Variants in OSBPL2 observed in about 807,000 individuals in gnomAD.
OSBPL2 encodes the protein oxysterol binding protein like 2.
A neutral mutation model predicts 58.4 loss-of-function variants in OSBPL2; 18 were observed. That is an observed-to-expected ratio of 0.31 (90% CI 0.21 to 0.46). The LOEUF (loss-of-function observed/expected upper bound fraction) is 0.46, where lower values mean the gene tolerates loss of function less well. OSBPL2 is among the 20% of genes least tolerant of loss of function. OSBPL2 has a pLI of 1.00. For synonymous variants in OSBPL2, 221 were observed against 234.1 expected (o/e 0.94, Z 0.51); for missense variants, 461 against 616.5 (o/e 0.75, Z 2.67).
chr20:62,262,518 T>C (rs1204549136), intron 3 of OSBPL2, among the ~76,000 whole-genome samples: 1 of 152,248 alleles, frequency 6.6e-6, no homozygotes, highest in Non-Finnish European at 1.5e-5. Context: ...ACTGAATGTG[T>C]GCACGGACGA....
intron 4 of OSBPL2, among the ~76,000 whole-genome samples, chr20:62,266,593 A>G (rs1193556115): frequency 6.6e-6 from 1 of 151,048 alleles, no homozygotes; most frequent in Non-Finnish European, 1.5e-5. Flanking sequence ...CTCGTTCTGG[A>G]TCCGCAGTGA....
rs1222519851 is a variant in OSBPL2, at chr20:62,272,248, G to A, written c.382G>A (p.Glu128Lys). The A allele has an allele frequency of 6.2e-7, 1 of 1,613,454 alleles. No homozygotes were observed. Among genetic ancestry groups the A allele is most frequent in the Non-Finnish European group, 8.5e-7 (1 of 1,179,920 alleles). The change falls in exon 5 of 14, where the codon GAG becomes AAG. Residue 128 changes from glutamate (E) to lysine (K), a missense_variant. By Grantham distance (56) the Glu-to-Lys change is moderately conservative. This residue lies in a region of OSBPL2 where 20 missense variants were observed against 17.1 expected (regional missense o/e 1.17). Coordinates refer to ENST00000313733, the MANE Select transcript of OSBPL2 (RefSeq NM_144498.4). ...HRASCQPQPL[E>K]RMQSVAAFAV... ...GGCCTCCTGCCAGCCCCAGCCCCTG[G>A]AGAGGATGCAGGTGGGCCTTAGGGG...
intron 4 of OSBPL2, chr20:62,264,608 T>C (rs1301043512): frequency 6.6e-6 from 1 of 152,216 alleles, no homozygotes; most frequent in Non-Finnish European, 1.5e-5. Flanking sequence ...TTCTTAACTT[T>C]TTATTTTGAA....
At chr20:62,245,810 C>A (rs1399360267) in intron 1 of OSBPL2, among the ~76,000 whole-genome samples, 1 of 152,202 alleles carries the variant, frequency 6.6e-6, no homozygotes, top group East Asian at 1.9e-4. Flanking sequence ...TTGTGAATGG[C>A]ATATGACTTG....
At chr20:62,280,991 C>T (rs940928591) in intron 7 of OSBPL2, 67 bp from the exon 8 acceptor site, 14 of 1,273,906 alleles carry the variant, frequency 1.1e-5, no homozygotes, top group Admixed American at 5.1e-5. Context: ...CTGGTCGTTG[C>T]GTCTTGGGTC....
At chr20:62,266,662 A>G (rs746369096) in intron 4 of OSBPL2, among the ~76,000 whole-genome samples, 21 of 152,074 alleles carry the variant, frequency 1.4e-4, no homozygotes, top group Non-Finnish European at 2.6e-4. Context: ...TGTTTGGTCC[A>G]CACCCCCCAC....
intron 1 of OSBPL2, among the ~76,000 whole-genome samples, chr20:62,248,669 C>T (rs1055995487): frequency 8.6e-6 from 1 of 116,324 alleles, no homozygotes; most frequent in Non-Finnish European, 2.0e-5. Flanking sequence ...ACTGTCAGAT[C>T]TGCTTTATTT....
intron 1 of OSBPL2, among the ~76,000 whole-genome samples, chr20:62,250,019 C>G (rs912558777): frequency 1.5e-4 from 23 of 152,224 alleles, no homozygotes; most frequent in Non-Finnish European, 2.9e-4. Context: ...CTCCCTGCCC[C>G]CAAGGCTCAC....
intron 1 of OSBPL2, among the ~76,000 whole-genome samples, chr20:62,239,342 C>G (rs891002949): frequency 6.6e-6 from 1 of 152,244 alleles, no homozygotes; most frequent in South Asian, 2.1e-4. Flanking sequence ...AAGAATACGT[C>G]TTTAGACTTT....
At chr20:62,258,088 G>A (rs539200402) in intron 2 of OSBPL2, among the ~76,000 whole-genome samples, 1 of 152,278 alleles carries the variant, frequency 6.6e-6, no homozygotes, top group South Asian at 2.1e-4. Flanking sequence ...GTACTCAGAT[G>A]GACTCCACTG....
At chr20:62,239,975 C>T (rs1979612597) in intron 1 of OSBPL2, among the ~76,000 whole-genome samples, 1 of 152,218 alleles carries the variant, frequency 6.6e-6, no homozygotes, top group Admixed American at 6.5e-5. Flanking sequence ...GCCTTAGCCT[C>T]CCATCTAGCT....
intron 12 of OSBPL2, among the ~76,000 whole-genome samples, chr20:62,289,930 CACAA>C (rs946726258): frequency 1.4e-4 from 22 of 152,144 alleles, no homozygotes; most frequent in South Asian, 1.0e-3. Flanking sequence ...CAACAAAAAA[CACAA>C]ACAAAAAACA....
rs929139340 is a variant in OSBPL2 at position 62,240,698 on chromosome 20, T to A, written c.-129+2101T>A. Among the ~76,000 whole-genome samples, 6 of 152,252 alleles carry A rather than the reference T, an allele frequency of 3.9e-5. No homozygotes were observed. In the East Asian group the frequency reaches 9.6e-4, roughly 24 times the overall value. ...GAATATTCTAATCATGCTGCATTACTCTGTGTCAGAATTTCGGGATTTTGC... is the reference window on the plus strand; with the variant it reads ...GAATATTCTAATCATGCTGCATTACACTGTGTCAGAATTTCGGGATTTTGC... On this transcript the variant is annotated intron_variant, in intron 1 of 13. Coordinates refer to ENST00000313733, the MANE Select transcript of OSBPL2 (RefSeq NM_144498.4).
chr20:62,289,383 G>C (rs763155655), intron 12 of OSBPL2, 53 bp downstream of exon 12: 24 of 1,586,432 alleles, frequency 1.5e-5, no homozygotes, highest in Non-Finnish European at 1.8e-5. Flanking sequence ...GCCCTGGCTA[G>C]GGTGGGAGAG....
chr20:62,249,744 T>C (rs6089702), intron 1 of OSBPL2, among the ~76,000 whole-genome samples: 2,524 of 151,872 alleles, frequency 0.017, 76 homozygotes, highest in African/African-American at 0.059. Flanking sequence ...CTGGCTAATT[T>C]TGTATTTTTA....
intron 10 of OSBPL2, chr20:62,286,088 C>T (rs1983099509): frequency 6.2e-6 from 1 of 161,448 alleles, no homozygotes; most frequent in Admixed American, 5.9e-5. Context: ...GGGCCCAGCT[C>T]CTCTCCGTAC....
chr20:62,290,059 A>C (rs1983390769), intron 12 of OSBPL2, among the ~76,000 whole-genome samples: 1 of 152,222 alleles, frequency 6.6e-6, no homozygotes, highest in Non-Finnish European at 1.5e-5. Flanking sequence ...AGTCACTGGC[A>C]CGTGTGTGGC....
chr20:62,247,187 C>T (rs887169113), intron 1 of OSBPL2, among the ~76,000 whole-genome samples: 4 of 152,224 alleles, frequency 2.6e-5, no homozygotes, highest in Non-Finnish European at 5.9e-5. Flanking sequence ...CGATGCTGCA[C>T]CGGGAACTTC....
At chr20:62,275,279 T>C (rs1463481111) in intron 6 of OSBPL2, among the ~76,000 whole-genome samples, 1 of 152,260 alleles carries the variant, frequency 6.6e-6, no homozygotes. Flanking sequence ...ATTTAATTTG[T>C]ATCCCTTTTT....
Sources: allele counts gnomAD v4.1 joint callset (sites outside exome capture counted in the v4.1 genomes callset), GRCh38; gene constraint gnomAD v4.1.1; regional missense constraint gnomAD v4.1.1; transcripts MANE v1.5; gene names NCBI Gene and HGNC (gene_info 2026-07-23, HGNC 2026-07-21).